Variants in CPLX2 observed in about 807,000 individuals in gnomAD.
CPLX2 encodes complexin-2.
CPLX2 carries 5 observed loss-of-function variants against 16.3 expected under a neutral mutation model. The observed-to-expected ratio is 0.31, with a 90% CI of 0.16 to 0.64. The LOEUF (loss-of-function observed/expected upper bound fraction) is 0.64. CPLX2 is among the 30% of genes least tolerant of loss of function. The pLI is 0.79. For missense variants in CPLX2, 144 were observed against 181.4 expected (o/e 0.79, Z 1.18); for synonymous variants, 89 against 73.2 (o/e 1.22, Z -1.10).
intron 2 of CPLX2, among the ~76,000 whole-genome samples, chr5:175,865,942 A>G (rs750848954): frequency 1.3e-5 from 2 of 152,212 alleles, no homozygotes. Flanking sequence ...GGGAGCCTAT[A>G]ATTCTGTGAT....
chr5:175,833,956 G>T (rs761426039), intron 2 of CPLX2, among the ~76,000 whole-genome samples: 4 of 152,134 alleles, frequency 2.6e-5, no homozygotes, highest in Non-Finnish European at 5.9e-5. Context: ...TCCATGCATG[G>T]CTCCAGCCCC....
chr5:175,807,103 G>A (rs566183795), intron 1 of CPLX2, among the ~76,000 whole-genome samples: 5 of 152,308 alleles, frequency 3.3e-5, no homozygotes, highest in South Asian at 4.1e-4. Flanking sequence ...CAGCAAGTGC[G>A]TGCTCAACGG....
At chr5:175,839,075 T>C (rs1303570162) in intron 2 of CPLX2, among the ~76,000 whole-genome samples, 1 of 152,088 alleles carries the variant, frequency 6.6e-6, no homozygotes, top group Non-Finnish European at 1.5e-5. Flanking sequence ...TTTAAAAATG[T>C]TTTTAGAGAC....
At chr5:175,832,484 C>T (rs751216395) in intron 2 of CPLX2, among the ~76,000 whole-genome samples, 12 of 152,178 alleles carry the variant, frequency 7.9e-5, no homozygotes, top group Non-Finnish European at 1.0e-4. Flanking sequence ...GAAACATGGG[C>T]GTTGGAAACT....
intron 2 of CPLX2, among the ~76,000 whole-genome samples, chr5:175,863,284 A>T (rs988384265): frequency 1.3e-5 from 2 of 152,220 alleles, no homozygotes; most frequent in Admixed American, 1.3e-4. Flanking sequence ...AAGATCACCC[A>T]AACTCTGGGA....
chr5:175,799,650 G>T (rs1758056877), intron 1 of CPLX2, among the ~76,000 whole-genome samples: 1 of 147,678 alleles, frequency 6.8e-6, no homozygotes, highest in Admixed American at 6.7e-5. Flanking sequence ...CAAGTGGTTA[G>T]GACTACAGGC....
chr5:175,854,205 C>T (rs1360574817), intron 2 of CPLX2, among the ~76,000 whole-genome samples: 1 of 152,204 alleles, frequency 6.6e-6, no homozygotes, highest in African/African-American at 2.4e-5. Flanking sequence ...CTTTGACCAG[C>T]TCTTTTCTCC....
chr5:175,801,856 C>A (rs1175631635), intron 1 of CPLX2, among the ~76,000 whole-genome samples: 1 of 152,168 alleles, frequency 6.6e-6, no homozygotes, highest in Non-Finnish European at 1.5e-5. Flanking sequence ...GAGATGCCCA[C>A]CTTGCTCTGT....
intron 2 of CPLX2, among the ~76,000 whole-genome samples, chr5:175,811,673 G>A (rs1223777388): frequency 6.6e-6 from 1 of 151,810 alleles, no homozygotes; most frequent in African/African-American, 2.4e-5. Flanking sequence ...GCTAAGACCT[G>A]GCTGGTCTCA....
chr5:175,882,598 G>A lies in CPLX2; in HGVS notation c.*2553G>A, dbSNP rs56873824. Reference sequence around the variant, plus strand: ...CCCTCTGTATTCCCAGAGTGGGATCGGGGCTTTCAGCCCCACCCTGATGCC... The same window carrying A: ...CCCTCTGTATTCCCAGAGTGGGATCAGGGCTTTCAGCCCCACCCTGATGCC... On this transcript the variant is annotated 3_prime_UTR_variant, in exon 4 of 4. Coordinates refer to ENST00000393745, the MANE Select transcript of CPLX2 (RefSeq NM_001008220.2). 19,420 of 152,706 alleles carry A rather than the reference G, an allele frequency of 0.13. 1,842 individuals carry two copies. The highest frequency in any genetic ancestry group is 0.26 in the African/African-American group (10,845 of 41,506). The allele number at this position is 152,706 out of a possible 1,614,324, so 9.5% of individuals were successfully genotyped here. A position where few individuals can be genotyped will look rare whatever the true frequency, so the allele number is the denominator to read the frequency against.
chr5:175,869,511 G>A (rs72823149), upstream of CPLX2, among the ~76,000 whole-genome samples: 46,233 of 152,016 alleles, frequency 0.3, 9,042 homozygotes, highest in Admixed American at 0.39. Context: ...TAATTCTATC[G>A]CCAGCAATAG....
intron 1 of CPLX2, among the ~76,000 whole-genome samples, chr5:175,877,118 C>G (rs537284567): frequency 1.3e-5 from 2 of 152,292 alleles, no homozygotes; most frequent in Non-Finnish European, 2.9e-5. Flanking sequence ...TTGCAGGGAG[C>G]AAACTGAAGC....
In CPLX2 at chr5:175,880,223, G is replaced by T; in HGVS notation, c.*178G>T. On this transcript the variant is annotated 3_prime_UTR_variant, in exon 4 of 4. Transcript: ENST00000393745. The stretch of plus-strand genomic sequence containing the variant: ...CCCTCACACCTCCCTTCATCCCAGG[G>T]TATCCACCTGCACCCCACTCCCAAG... 1.4e-6 allele frequency: 1 copy of T among 727,788 alleles called. No individual in the cohort carries two copies. Among genetic ancestry groups the T allele is most frequent in the Non-Finnish European group, 2.5e-6 (1 of 399,100 alleles). 45.1% of individuals were successfully genotyped at this position (727,788 alleles called of 1,614,324 possible). A position where few individuals can be genotyped will look rare whatever the true frequency, so the allele number is the denominator to read the frequency against.
chr5:175,813,202 T>C (rs750152962), intron 2 of CPLX2, among the ~76,000 whole-genome samples: 18 of 152,244 alleles, frequency 1.2e-4, no homozygotes, highest in Non-Finnish European at 4.4e-5. Context: ...TAGAAATATA[T>C]AACCAGCACA....
chr5:175,851,958 G>A (rs116714900), intron 2 of CPLX2, among the ~76,000 whole-genome samples: 260 of 152,304 alleles, frequency 1.7e-3, no homozygotes, highest in South Asian at 8.1e-3. Flanking sequence ...CCCCTGGGAC[G>A]GGCTATTTCT....
At chr5:175,863,882 G>C (rs982422994) in intron 2 of CPLX2, among the ~76,000 whole-genome samples, 31 of 152,268 alleles carry the variant, frequency 2.0e-4, no homozygotes, top group African/African-American at 7.2e-4. Flanking sequence ...GCCAAGAAAA[G>C]GGGTAAAAAG....
In CPLX2 at chr5:175,864,150, C is replaced by T. The variant is rs145693143; in HGVS notation, c.-88-14502C>T. Among the ~76,000 whole-genome samples, 655 of 139,938 alleles carry T rather than the reference C, an allele frequency of 4.7e-3. 2 individuals carry two copies. Among genetic ancestry groups the T allele is most frequent in the African/African-American group, 0.015 (611 of 40,838 alleles). The allele number at this position is 139,938 out of a possible 152,430, so 91.8% of individuals were successfully genotyped here. A position where few individuals can be genotyped will look rare whatever the true frequency, so the allele number is the denominator to read the frequency against. On this transcript the variant is annotated intron_variant, in intron 2 of 4. Coordinates refer to the CPLX2 transcript ENST00000359546. ...CCTAAGCATTGTTTGATTAGAGCCACACAACCACCCTGGAAGGTAGAGATC... is the reference window on the plus strand; with the variant it reads ...CCTAAGCATTGTTTGATTAGAGCCATACAACCACCCTGGAAGGTAGAGATC...
At chr5:175,802,744 C>A (rs1017146020) in intron 1 of CPLX2, among the ~76,000 whole-genome samples, 8 of 152,206 alleles carry the variant, frequency 5.3e-5, no homozygotes, top group African/African-American at 1.9e-4. Context: ...GGGGTAATAC[C>A]GCCAGGGCCC....
At chr5:175,842,619 G>C (rs769848001) in intron 2 of CPLX2, among the ~76,000 whole-genome samples, 1 of 152,230 alleles carries the variant, frequency 6.6e-6, no homozygotes, top group Non-Finnish European at 1.5e-5. Context: ...CATGGGGCCT[G>C]CACTCCAGGG....
Sources: allele counts gnomAD v4.1 joint callset (sites outside exome capture counted in the v4.1 genomes callset), GRCh38; gene constraint gnomAD v4.1.1; transcripts MANE v1.5; gene names NCBI Gene and HGNC (gene_info 2026-07-23, HGNC 2026-07-21).